The following EIF3D variants were observed in gnomAD, a reference collection of about 807,000 sequenced individuals.
The protein encoded by EIF3D is eIF3 p66.
Under a neutral mutation model 75.4 loss-of-function variants are expected in EIF3D, and 10 were observed. The ratio of observed to expected loss-of-function variants is 0.13; its 90% CI spans 0.08 to 0.22. The LOEUF is 0.22. Among genes scored for constraint, EIF3D ranks in the 10% least tolerant of loss-of-function variants. The pLI, the probability that EIF3D is intolerant of heterozygous loss-of-function variation, is 1.00. For missense variants in EIF3D, 394 were observed against 708.0 expected (o/e 0.56, Z 5.03); for synonymous variants, 246 against 248.3 (o/e 0.99, Z 0.09).
At position 36,523,203 on chromosome 22, in the gene EIF3D, C is replaced by A. The variant is rs1258335644; in HGVS notation, c.465+6G>T. The A allele has an allele frequency of 6.2e-7, 1 of 1,613,068 alleles. No homozygotes were observed. Among genetic ancestry groups the A allele is most frequent in the Non-Finnish European group, 8.5e-7 (1 of 1,179,196 alleles). Reference sequence around the variant, plus strand: ...CCAAGGCAGAATTCTGGTATAAATACATTACCTGTGATTTCTGATCCCATT... The same window carrying A: ...CCAAGGCAGAATTCTGGTATAAATAAATTACCTGTGATTTCTGATCCCATT... On this transcript the variant is annotated splice_donor_region_variant and intron_variant, in intron 6 of 14. Transcript: ENST00000216190.
At chr22:36,516,369 G>T in intron 12 of EIF3D, 109 bp downstream of exon 12, 1 of 1,373,534 alleles carries the variant, frequency 7.3e-7, no homozygotes. Flanking sequence ...AGCTCTATAA[G>T]TAACGAAAGG....
chr22:36,528,595 G>A (rs1934644663), intron 1 of EIF3D: 1 of 147,364 alleles, frequency 6.8e-6, no homozygotes, highest in Non-Finnish European at 1.5e-5. Context: ...TCGCTGAACA[G>A]GGGGTGGGGT....
At chr22:36,521,605 G>T (rs1276097153) in intron 6 of EIF3D, among the ~76,000 whole-genome samples, 1 of 151,990 alleles carries the variant, frequency 6.6e-6, no homozygotes, top group African/African-American at 2.4e-5. Context: ...TAATTCAAAG[G>T]ACTCTTATTT....
rs1311031726 is a variant in EIF3D at position 36,511,687 on chromosome 22, G to A, written c.1449C>T (p.Ser483=). The A allele has an allele frequency of 2.5e-6, 4 of 1,614,076 alleles. No homozygotes were observed. Among genetic ancestry groups the A allele is most frequent in the Admixed American group, 1.7e-5 (1 of 59,986 alleles). Residue 483 remains serine (S), a synonymous_variant, in exon 14 of 15, where the codon AGC becomes AGT. Transcript: ENST00000216190. The part of the protein sequence containing the change: ...PNEFASQINL[S]VENAWGILRC... ...GTAAAATGCCCCAGGCATTCTCCACGCTCAGGTTGATCTGGCTGGCAAACT... is the reference window on the plus strand; with the variant it reads ...GTAAAATGCCCCAGGCATTCTCCACACTCAGGTTGATCTGGCTGGCAAACT...
Position 36,511,540 on chromosome 22 carries a change from A to C in EIF3D, c.1596T>G (p.Asp532Glu), listed in dbSNP as rs778888436. ...LPDGTFSSDE[D>E]EEEEEEEEEE... ...CTTCTTCCTCCTCCTCTTCCTCCTC[A>C]TCTTCATCAGAGCTGAAGGTGCCAT... is the stretch of plus-strand genomic sequence containing the variant. The change falls in exon 14 of 15, where the codon GAT (aspartate) becomes GAG (glutamate). Residue 532 changes from aspartate to glutamate, a missense_variant. Asp to Glu is a conservative substitution (Grantham distance 45). Transcript: ENST00000216190. The C allele has an allele frequency of 1.2e-6, 2 of 1,613,618 alleles. No homozygotes were observed. The highest frequency in any genetic ancestry group is 1.7e-6 in the Non-Finnish European group (2 of 1,179,780).
intron 9 of EIF3D, 103 bp from the exon 10 acceptor site, chr22:36,517,534 C>T (rs1934447356): frequency 7.4e-6 from 10 of 1,346,556 alleles, no homozygotes; most frequent in Non-Finnish European, 9.8e-6. Context: ...CAAGTCCTTC[C>T]TTCAAAGAAC....
rs1227602351 is a variant in EIF3D, at chr22:36,525,981, C to G, written c.123+18G>C. ...GCCACAGCTGCAAAGATTCAGACTC[C>G]TGCTGACAGGCATGTACCTTTCCTA... is the stretch of plus-strand genomic sequence containing the variant. On this transcript the variant is annotated intron_variant, in intron 2 of 14. Coordinates refer to ENST00000216190, the MANE Select transcript of EIF3D (RefSeq NM_003753.4). 1.9e-6 allele frequency: 3 copies of G among 1,593,598 alleles called. No homozygotes were observed. The African/African-American group carries it at 4.1e-5, about 22-fold the overall frequency.
chr22:36,520,751 C>T (rs1397027834), intron 6 of EIF3D, 63 bp from the exon 7 acceptor site: 15 of 1,225,758 alleles, frequency 1.2e-5, no homozygotes, highest in Middle Eastern at 1.9e-4. Flanking sequence ...AAATAAAAGA[C>T]AGGCTAAAAA....
chr22:36,519,409 C>G lies in EIF3D; in HGVS notation c.707G>C (p.Arg236Pro). 6.2e-7 allele frequency: 1 copy of G among 1,614,130 alleles called. No individual in the cohort carries two copies. Among genetic ancestry groups the G allele is most frequent in the Non-Finnish European group, 8.5e-7 (1 of 1,180,014 alleles). The change falls in exon 8 of 15, where the codon CGC becomes CCC. Residue 236 changes from arginine (R) to proline (P), a missense_variant. Physicochemically the swap from Arg to Pro is moderately radical, Grantham distance 103. Transcript: ENST00000216190. ...GGGGCAGAAGGAGGCGCACACCTTG[C>G]GGATGACAGGGTCGTCTGTGGTGGT... ...TVTTTDDPVI[R>P]KLAKTQGNVF...
intron 12 of EIF3D, among the ~76,000 whole-genome samples, chr22:36,515,405 ATAATCCTAGC>A (rs1180005827): frequency 1.3e-5 from 2 of 152,126 alleles, no homozygotes; most frequent in Non-Finnish European, 2.9e-5. Flanking sequence ...GTGCATGCCT[ATAATCCTAGC>A]TACTCGGGAG....
chr22:36,517,205 A>T (rs1458325329), intron 10 of EIF3D, 96 bp downstream of exon 10: 1 of 1,555,392 alleles, frequency 6.4e-7, no homozygotes, highest in African/African-American at 1.4e-5. Context: ...TGACCTGCTC[A>T]GTCCCACAAC....
intron 6 of EIF3D, among the ~76,000 whole-genome samples, 155 bp from the exon 7 acceptor site, chr22:36,520,843 C>T (rs2145875190): frequency 6.6e-6 from 1 of 152,178 alleles, no homozygotes; most frequent in African/African-American, 2.4e-5. Context: ...TTGCTTGAGC[C>T]CAGGAGTTTG....
intron 9 of EIF3D, 120 bp from the exon 10 acceptor site, chr22:36,517,551 C>G: frequency 4.8e-6 from 6 of 1,239,978 alleles, no homozygotes; most frequent in Non-Finnish European, 6.4e-6. Flanking sequence ...GAACTGCCCT[C>G]TCCTAAAGTG....
At chr22:36,525,259 TTTG>T (rs926303993) in intron 3 of EIF3D, among the ~76,000 whole-genome samples, 1 of 147,654 alleles carries the variant, frequency 6.8e-6, no homozygotes, top group African/African-American at 2.5e-5. Flanking sequence ...TTTTTTTTTT[TTTG>T]GAGACAGGAT....
At chr22:36,522,806 A>G (rs1196619754) in intron 6 of EIF3D, among the ~76,000 whole-genome samples, 5 of 152,062 alleles carry the variant, frequency 3.3e-5, no homozygotes, top group Non-Finnish European at 7.4e-5. Context: ...TGGGCTAACT[A>G]CCCAAAGTTT....
rs1464777712 is a variant in EIF3D at position 36,526,044 on chromosome 22, C to T, written c.78G>A (p.Arg26=). The T allele has an allele frequency of 2.0e-5, 32 of 1,613,694 alleles. No individual in the cohort carries two copies. Among genetic ancestry groups the T allele is most frequent in the Non-Finnish European group, 2.6e-5 (31 of 1,179,794 alleles). ...TGCTGAACGGCTGGTAGGGCATATCCCGAAACTGCTCGGGAACCGCACAGG... is the reference window on the plus strand; with the variant it reads ...TGCTGAACGGCTGGTAGGGCATATCTCGAAACTGCTCGGGAACCGCACAGG... ...WGPCAVPEQF[R]DMPYQPFSKG... Residue 26 remains arginine, a synonymous_variant, in exon 2 of 15, where the codon CGG becomes CGA. Coordinates refer to ENST00000216190, the MANE Select transcript of EIF3D (RefSeq NM_003753.4).
In EIF3D at chr22:36,518,753, C is replaced by T. The variant is rs746604605; in HGVS notation, c.859+10G>A. ...ATGCCTTTGAGTTGCTCCCCAGGCA[C>T]GCTTCTTACCAAAGTCAGAGTTGTC... is the stretch of plus-strand genomic sequence containing the variant. On this transcript the variant is annotated intron_variant, in intron 9 of 14. Coordinates refer to ENST00000216190, the MANE Select transcript of EIF3D (RefSeq NM_003753.4). The T allele has an allele frequency of 1.7e-5, 27 of 1,613,694 alleles. No individual in the cohort carries two copies. Among genetic ancestry groups the T allele is most frequent in the East Asian group, 8.9e-5 (4 of 44,892 alleles).
intron 3 of EIF3D, 31 bp downstream of exon 3, chr22:36,525,633 G>C: frequency 6.2e-7 from 1 of 1,610,074 alleles, no homozygotes; most frequent in Non-Finnish European, 8.5e-7. Context: ...CCAAGGCCCT[G>C]ATTGGGGCAT....
At chr22:36,511,813 C>A in intron 13 of EIF3D, 27 bp from the exon 14 acceptor site, 2 of 1,600,494 alleles carry the variant, frequency 1.2e-6, no homozygotes, top group South Asian at 2.2e-5. Context: ...TATCAGTGGT[C>A]AGAGCAGGGC....
Sources: allele counts gnomAD v4.1 joint callset (sites outside exome capture counted in the v4.1 genomes callset), GRCh38; gene constraint gnomAD v4.1.1; transcripts MANE v1.5; gene names NCBI Gene and HGNC (gene_info 2026-07-23, HGNC 2026-07-21).